PTPRM: variants seen among roughly 807,000 people sequenced by gnomAD.
The protein encoded by PTPRM is receptor-type tyrosine-protein phosphatase mu.
A neutral mutation model predicts 186.7 loss-of-function variants in PTPRM; 47 were observed. That is an observed-to-expected ratio of 0.25 (90% confidence interval 0.20 to 0.32). The LOEUF (loss-of-function observed/expected upper bound fraction) is 0.32. PTPRM is among the 10% of genes least tolerant of loss of function. PTPRM has a pLI of 1.00. For missense variants in PTPRM, 1,494 were observed against 1,865.0 expected (o/e 0.80, Z 3.66); for synonymous variants, 668 against 674.9 (o/e 0.99, Z 0.16).
At chr18:8,250,841 A>G (rs368706231) in intron 17 of PTPRM, among the ~76,000 whole-genome samples, 93 of 152,194 alleles carry the variant, frequency 6.1e-4, no homozygotes, top group African/African-American at 1.8e-3. Flanking sequence ...TTTTAAACAC[A>G]TAAAGGAAAT....
chr18:7,693,485 G>A (rs1040384111), intron 1 of PTPRM, among the ~76,000 whole-genome samples: 2 of 152,138 alleles, frequency 1.3e-5, no homozygotes, highest in Non-Finnish European at 2.9e-5. Context: ...GACATAAACA[G>A]GAACATATGG....
rs938735976 is a variant in PTPRM at position 7,603,356 on chromosome 18, C to T, written c.73+35465C>T. Among the ~76,000 whole-genome samples the T allele has an allele frequency of 7.2e-5, 11 of 152,302 alleles. No homozygotes were observed. In the East Asian group the frequency reaches 1.7e-3, roughly 24 times the overall value. Reference sequence around the variant, plus strand: ...AAACTGTGAGACTACTTTGCAACTCCGTCTTGGGAGATTGGTGTTGAATCT... The same window carrying T: ...AAACTGTGAGACTACTTTGCAACTCTGTCTTGGGAGATTGGTGTTGAATCT... On this transcript the variant is annotated intron_variant, in intron 1 of 32. Coordinates refer to ENST00000580170, the MANE Select transcript of PTPRM (RefSeq NM_001105244.2).
intron 1 of PTPRM, among the ~76,000 whole-genome samples, chr18:7,678,974 A>G (rs2039415158): frequency 6.6e-6 from 1 of 152,210 alleles, no homozygotes; most frequent in African/African-American, 2.4e-5. Flanking sequence ...TGCTTTCCCC[A>G]AAGGAAGTAC....
intron 1 of PTPRM, among the ~76,000 whole-genome samples, chr18:7,578,926 G>A (rs1237404823): frequency 1.3e-5 from 2 of 152,160 alleles, no homozygotes; most frequent in African/African-American, 4.8e-5. Flanking sequence ...ACAGATTTAA[G>A]CATAGGAACC....
At chr18:8,099,176 T>C (rs1305535153) in intron 11 of PTPRM, among the ~76,000 whole-genome samples, 2 of 151,844 alleles carry the variant, frequency 1.3e-5, no homozygotes, top group African/African-American at 4.8e-5. Context: ...TCTCTTTCTC[T>C]CACTTATTTC....
At chr18:8,017,885 A>G (rs947532144) in intron 7 of PTPRM, 10 of 152,200 alleles carry the variant, frequency 6.6e-5, no homozygotes, top group East Asian at 1.9e-4. Context: ...TGGGAAGTAC[A>G]GAGATAAAAC....
At chr18:7,840,984 C>T (rs1469377090) in intron 2 of PTPRM, among the ~76,000 whole-genome samples, 1 of 152,098 alleles carries the variant, frequency 6.6e-6, no homozygotes, top group Non-Finnish European at 1.5e-5. Context: ...TAAAGTACTA[C>T]AATAGAAGTA....
chr18:8,305,896 G>A (rs2095216173), intron 20 of PTPRM, among the ~76,000 whole-genome samples: 1 of 146,556 alleles, frequency 6.8e-6, no homozygotes, highest in Non-Finnish European at 1.5e-5. Context: ...ACAGAAAAGG[G>A]GTAATTTTTT....
chr18:7,713,567 C>G (rs1056417800), intron 1 of PTPRM, among the ~76,000 whole-genome samples: 2 of 152,034 alleles, frequency 1.3e-5, no homozygotes, highest in Non-Finnish European at 2.9e-5. Context: ...TTAAAAGACA[C>G]AGGCTGACAA....
chr18:8,381,429 T>C (rs2095735177), intron 29 of PTPRM, among the ~76,000 whole-genome samples: 2 of 152,116 alleles, frequency 1.3e-5, no homozygotes, highest in African/African-American at 2.4e-5. Context: ...AGATTTTTCC[T>C]TCCTACAATC....
At chr18:8,160,082 G>A (rs1002995498) in intron 14 of PTPRM, among the ~76,000 whole-genome samples, 1 of 151,842 alleles carries the variant, frequency 6.6e-6, no homozygotes, top group Non-Finnish European at 1.5e-5. Context: ...AAGAAAAATG[G>A]GCTCATCACT....
chr18:7,741,759 GA>G (rs1209071667), intron 1 of PTPRM: 1 of 152,172 alleles, frequency 6.6e-6, no homozygotes, highest in Non-Finnish European at 1.5e-5. Flanking sequence ...TGTTCTGGAG[GA>G]AACCAAGAAT....
At chr18:8,337,694 G>C (rs1466004886) in intron 22 of PTPRM, among the ~76,000 whole-genome samples, 1 of 152,152 alleles carries the variant, frequency 6.6e-6, no homozygotes, top group Non-Finnish European at 1.5e-5. Context: ...CTGAGGAAGT[G>C]ACTTTTGGAC....
At chr18:8,328,796 G>C (rs1228404733) in intron 22 of PTPRM, among the ~76,000 whole-genome samples, 1 of 152,182 alleles carries the variant, frequency 6.6e-6, no homozygotes, top group African/African-American at 2.4e-5. Flanking sequence ...GCAATTAGCA[G>C]CTTATCCAGA....
At chr18:7,708,987 T>C (rs556047840) in intron 1 of PTPRM, among the ~76,000 whole-genome samples, 13 of 152,280 alleles carry the variant, frequency 8.5e-5, no homozygotes, top group African/African-American at 3.1e-4. Context: ...ATTATAATTC[T>C]TTTTATAGAT....
chr18:8,237,272 G>T (rs2094355477), intron 14 of PTPRM, among the ~76,000 whole-genome samples: 1 of 151,808 alleles, frequency 6.6e-6, no homozygotes, highest in South Asian at 2.1e-4. Flanking sequence ...TATCAATTAA[G>T]AATTTTAAAA....
chr18:7,567,646 TG>T lies in PTPRM; in HGVS notation c.-171del. On this transcript the variant is annotated 5_prime_UTR_variant, in exon 1 of 33. Transcript: ENST00000580170. This position sits in a 1 kb window ranked among gnomAD's most constrained non-coding sequence, Gnocchi z 4.3. ...ACCCAGGACCCTGTGCCCGCGCCCC[TG>T]GAGCCGCTGGAGTTCGGACTTCTGC... 1 of 541,056 alleles carries T rather than the reference TG, an allele frequency of 1.8e-6. No individual in the cohort carries two copies. The highest frequency in any genetic ancestry group is 3.1e-6 in the Non-Finnish European group (1 of 322,916). 33.5% of individuals were successfully genotyped at this position (541,056 alleles called of 1,614,324 possible).
chr18:7,931,356 G>A (rs2051473638), intron 5 of PTPRM, among the ~76,000 whole-genome samples: 1 of 152,120 alleles, frequency 6.6e-6, no homozygotes, highest in Non-Finnish European at 1.5e-5. Flanking sequence ...ACTGAAAAGA[G>A]AAAATGGAAT....
chr18:7,987,339 T>G (rs2083018108), intron 7 of PTPRM, among the ~76,000 whole-genome samples: 1 of 152,244 alleles, frequency 6.6e-6, no homozygotes. Flanking sequence ...TGAAGCTGGC[T>G]AAGCCACCAG....
Sources: gnomAD v4.1 joint callset for allele counts (sites outside exome capture counted in the v4.1 genomes callset) on GRCh38, gnomAD v4.1.1 for gene constraint, Gnocchi (gnomAD v3.1) non-coding constraint, MANE v1.5 for transcripts, NCBI Gene and HGNC (gene_info 2026-07-23, HGNC 2026-07-21) for gene names.